CACNB2: variants seen among roughly 807,000 people sequenced by gnomAD.
CACNB2 encodes the protein voltage-dependent L-type calcium channel subunit beta-2.
Under a neutral mutation model 73.3 loss-of-function variants are expected in CACNB2, and 42 were observed. The ratio of observed to expected loss-of-function variants is 0.57; its 90% CI spans 0.45 to 0.74. The LOEUF is 0.74. CACNB2 is among the 30% of genes least tolerant of loss of function. The pLI, the probability that CACNB2 is intolerant of heterozygous loss-of-function variation, is 0.00. For missense variants in CACNB2, 940 were observed against 853.0 expected, an observed-to-expected ratio of 1.10 and a Z score of -1.27; for synonymous variants, 348 against 310.3, an observed-to-expected ratio of 1.12 and a Z score of -1.28.
At chr10:18,323,356 T>A (rs970123150) in intron 2 of CACNB2, among the ~76,000 whole-genome samples, 1 of 151,942 alleles carries the variant, frequency 6.6e-6, no homozygotes, top group Non-Finnish European at 1.5e-5. Context: ...GTAAATGCAA[T>A]CATATTCTAA....
intron 3 of CACNB2, among the ~76,000 whole-genome samples, chr10:18,419,381 A>G (rs566909163): frequency 3.9e-5 from 6 of 152,218 alleles, no homozygotes; most frequent in African/African-American, 7.2e-5. Context: ...TGCAATAGTA[A>G]CTGTATTATA....
chr10:18,383,997 C>T (rs912171896), intron 2 of CACNB2, among the ~76,000 whole-genome samples: 11 of 152,284 alleles, frequency 7.2e-5, no homozygotes, highest in African/African-American at 2.2e-4. Flanking sequence ...TGAGCCACCA[C>T]GCCCAGCCAT....
At chr10:18,311,417 G>A (rs148124556) in intron 2 of CACNB2, among the ~76,000 whole-genome samples, 2,228 of 152,158 alleles carry the variant, frequency 0.015, 30 homozygotes, top group Middle Eastern at 0.041. Context: ...GGTTAGGGGC[G>A]TTGACCCATT....
chr10:18,237,052 A>G (rs933672095), intron 2 of CACNB2, among the ~76,000 whole-genome samples: 4 of 152,310 alleles, frequency 2.6e-5, no homozygotes, highest in East Asian at 1.9e-4. Flanking sequence ...CTGCTTACCC[A>G]GGGATCTCAA....
chr10:18,150,939 G>A lies in CACNB2; in HGVS notation c.177G>A (p.Thr59=), dbSNP rs372915981. The A allele has an allele frequency of 3.6e-5, 56 of 1,548,342 alleles. No individual in the cohort carries two copies. The highest frequency in any genetic ancestry group is 2.0e-4 in the African/African-American group (14 of 69,220). The change falls in exon 2 of 14, where the codon ACG becomes ACA. Residue 59 remains threonine (T), a synonymous_variant. Transcript: ENST00000324631. The part of the protein sequence containing the change: ...KNRFKGSDGS[T]SSDTTSNSFV... ...GATTTAAAGGATCTGATGGAAGCACGTCATCTGATACTACCTCAAATAGTT... is the reference window on the plus strand; with the variant it reads ...GATTTAAAGGATCTGATGGAAGCACATCATCTGATACTACCTCAAATAGTT...
chr10:18,264,112 G>A (rs764554867), intron 2 of CACNB2, among the ~76,000 whole-genome samples: 19 of 152,196 alleles, frequency 1.2e-4, no homozygotes, highest in Non-Finnish European at 2.1e-4. Context: ...CACTTCTCAA[G>A]TATTGACATT....
At chr10:18,248,781 T>C (rs1019512650) in intron 2 of CACNB2, among the ~76,000 whole-genome samples, 21 of 152,194 alleles carry the variant, frequency 1.4e-4, no homozygotes, top group African/African-American at 4.8e-4. Flanking sequence ...TCCTTCCTTA[T>C]CTGAGTTCCC....
intron 2 of CACNB2, among the ~76,000 whole-genome samples, chr10:18,197,102 G>T (rs947528938): frequency 1.3e-5 from 2 of 152,018 alleles, no homozygotes; most frequent in Non-Finnish European, 1.5e-5. Context: ...CCTGGGCAGT[G>T]CTTCCCTATA....
Position 18,447,918 on chromosome 10 carries a change from A to G in CACNB2, c.333+45875A>G, listed in dbSNP as rs1589385983. On this transcript the variant is annotated intron_variant, in intron 3 of 13. Transcript: ENST00000324631. Reference sequence around the variant, plus strand: ...GCTATTTTTGTTTTCTTTTAAGGGCATGGGCAAAATGAACAGGATTAAGTA... The same window carrying G: ...GCTATTTTTGTTTTCTTTTAAGGGCGTGGGCAAAATGAACAGGATTAAGTA... 2.0e-5 allele frequency among the ~76,000 whole-genome samples: 3 copies of G among 152,278 alleles called. No homozygotes were observed. The South Asian group carries it at 6.2e-4, about 32-fold the overall frequency.
intron 3 of CACNB2, among the ~76,000 whole-genome samples, chr10:18,427,882 A>G (rs1002790345): frequency 2.0e-5 from 3 of 152,006 alleles, no homozygotes; most frequent in Non-Finnish European, 4.4e-5. Flanking sequence ...TTTCTATTTC[A>G]TTAACTTCTC....
chr10:18,539,823 T>C lies in CACNB2; in HGVS notation c.*99T>C. On this transcript the variant is annotated 3_prime_UTR_variant, in exon 14 of 14. Transcript: ENST00000324631. ...CTTTGGGGTCTACACTGCAATCATA[T>C]GTGATCTGTCTTGTAATATTTTGTA... The C allele has an allele frequency of 1.7e-6, 2 of 1,198,470 alleles. No individual in the cohort carries two copies. The highest frequency in any genetic ancestry group is 2.4e-6 in the Non-Finnish European group (2 of 839,022). 74.2% of individuals were successfully genotyped at this position (1,198,470 alleles called of 1,614,324 possible).
intron 2 of CACNB2, among the ~76,000 whole-genome samples, chr10:18,190,395 C>T (rs2034343305): frequency 1.3e-5 from 2 of 152,130 alleles, no homozygotes; most frequent in Non-Finnish European, 2.9e-5. Context: ...ATGTATTCTC[C>T]ACCCACCCTG....
At chr10:18,251,602 C>A (rs1191056591) in intron 2 of CACNB2, among the ~76,000 whole-genome samples, 1 of 152,188 alleles carries the variant, frequency 6.6e-6, no homozygotes, top group Non-Finnish European at 1.5e-5. Flanking sequence ...TCCGTTCTCA[C>A]ACTGCTCTAA....
chr10:18,215,756 G>T (rs775245628), intron 2 of CACNB2, among the ~76,000 whole-genome samples: 2 of 152,070 alleles, frequency 1.3e-5, no homozygotes, highest in African/African-American at 4.8e-5. Context: ...AAAGCAGACG[G>T]ATCTTTTTAG....
intron 3 of CACNB2, among the ~76,000 whole-genome samples, chr10:18,442,922 A>ACG (rs1255332105): frequency 2.3e-5 from 2 of 87,714 alleles, no homozygotes; most frequent in East Asian, 9.3e-4. Context: ...ATATATATAT[A>ACG]TATGTATATA....
chr10:18,498,787 G>C, intron 4 of CACNB2: 1 of 330,524 alleles, frequency 3.0e-6, no homozygotes, highest in East Asian at 7.9e-5. Flanking sequence ...GTTTCACCTT[G>C]ACTAGGTGTA....
chr10:18,196,943 T>G (rs1052202582), intron 2 of CACNB2, among the ~76,000 whole-genome samples: 2 of 152,158 alleles, frequency 1.3e-5, no homozygotes, highest in Non-Finnish European at 2.9e-5. Flanking sequence ...ATTGTTGAAT[T>G]CAGGATGCCC....
intron 3 of CACNB2, among the ~76,000 whole-genome samples, chr10:18,454,662 C>T (rs2047182743): frequency 1.3e-5 from 2 of 152,168 alleles, no homozygotes; most frequent in Non-Finnish European, 2.9e-5. Context: ...CTTTAAATGT[C>T]AATGGACTGT....
At chr10:18,385,456 T>C (rs1370964344) in intron 2 of CACNB2, among the ~76,000 whole-genome samples, 6 of 139,620 alleles carry the variant, frequency 4.3e-5, no homozygotes, top group Non-Finnish European at 7.6e-5. Context: ...TATGCATTCT[T>C]TAAAATGCAC....
Sources: gnomAD v4.1 joint callset for allele counts (sites outside exome capture counted in the v4.1 genomes callset) on GRCh38, gnomAD v4.1.1 for gene constraint, MANE v1.5 for transcripts, NCBI Gene and HGNC (gene_info 2026-07-23, HGNC 2026-07-21) for gene names.